Variants in CYREN observed in about 807,000 individuals in gnomAD.
CYREN encodes the protein cell cycle regulator of NHEJ, also known as cell cycle regulator of non-homologous end joining.
A neutral mutation model predicts 9.7 loss-of-function variants in CYREN; 7 were observed. The ratio of observed to expected loss-of-function variants is 0.72; its 90% CI spans 0.41 to 1.36. The LOEUF (loss-of-function observed/expected upper bound fraction) is 1.36, where lower values mean the gene tolerates loss of function less well. Among genes scored for constraint, CYREN ranks in the 40% most tolerant of loss-of-function variants. The probability of loss-of-function intolerance (pLI) is 0.01; values close to 1 mark genes in which losing one functional copy is unlikely to be tolerated. For synonymous variants in CYREN, 76 were observed against 77.9 expected, an observed-to-expected ratio of 0.98 and a Z score of 0.13; for missense variants, 215 against 198.1, an observed-to-expected ratio of 1.09 and a Z score of -0.51.
At chr7:135,105,894 T>C (rs1221045597) in intron 2 of CYREN, among the ~76,000 whole-genome samples, 1 of 152,228 alleles carries the variant, frequency 6.6e-6, no homozygotes, top group Non-Finnish European at 1.5e-5. Flanking sequence ...CATTTGTTTA[T>C]GTCACTTCTG....
chr7:135,100,505 T>G (rs1823669736), intron 2 of CYREN, among the ~76,000 whole-genome samples: 1 of 152,178 alleles, frequency 6.6e-6, no homozygotes, highest in Non-Finnish European at 1.5e-5. Flanking sequence ...CCAACTAGAT[T>G]TGTACAACAG....
chr7:135,128,137 C>T (rs562843305), intron 2 of CYREN, among the ~76,000 whole-genome samples: 1 of 151,338 alleles, frequency 6.6e-6, no homozygotes, highest in East Asian at 1.9e-4. Context: ...ACTAAAAATA[C>T]AAAAATTAGC....
chr7:135,096,217 C>G (rs1822664617), intron 2 of CYREN, among the ~76,000 whole-genome samples: 1 of 151,904 alleles, frequency 6.6e-6, no homozygotes, highest in African/African-American at 2.4e-5. Context: ...TGAGATAGCA[C>G]TAACTTAATT....
At chr7:135,167,267 A>G (rs1830230500) in intron 3 of CYREN, 11 of 1,072,716 alleles carry the variant, frequency 1.0e-5, no homozygotes, top group African/African-American at 3.3e-5. Context: ...GACATAACGC[A>G]TGCTTTCAAG....
rs112295929 is a variant in CYREN, at chr7:135,160,640, C to T, written n.356+8109G>A. On this transcript the variant is annotated intron_variant and non_coding_transcript_variant, in intron 2 of 2. Transcript: ENST00000459937. The stretch of plus-strand genomic sequence containing the variant: ...GCATGCATACGACATTAAACACAAC[C>T]CTCCCTCAGGCAGCTCTGCTGTCCT... Among the ~76,000 whole-genome samples the T allele has an allele frequency of 9.1e-3, 1,379 of 152,168 alleles. 19 individuals carry two copies. Among genetic ancestry groups the T allele is most frequent in the African/African-American group, 0.031 (1,302 of 41,490 alleles).
chr7:135,124,420 G>C (rs1298944039), intron 2 of CYREN, among the ~76,000 whole-genome samples: 1 of 152,164 alleles, frequency 6.6e-6, no homozygotes, highest in Non-Finnish European at 1.5e-5. Context: ...GACCCAAAAA[G>C]AGACAGACTC....
At chr7:135,128,935 G>T in intron 2 of CYREN, 1 of 1,557,764 alleles carries the variant, frequency 6.4e-7, no homozygotes, top group Non-Finnish European at 8.9e-7. Flanking sequence ...TGCAATATCT[G>T]TTTCTGTAAG....
rs905100202 is a variant in CYREN at position 135,151,198 on chromosome 7, A to T, written n.356+17551T>A. 3.9e-5 allele frequency among the ~76,000 whole-genome samples: 6 copies of T among 152,204 alleles called. No homozygotes were observed. The highest frequency in any genetic ancestry group is 5.9e-5 in the Non-Finnish European group (4 of 68,040). On this transcript the variant is annotated intron_variant and non_coding_transcript_variant, in intron 2 of 2. Transcript: ENST00000459937. The surrounding 1 kb of genome is among the most constrained non-coding windows in gnomAD (Gnocchi z 4.3). ...ATTCATTAAAAACTTGGTGGTTGGG[A>T]TGGCTGTCCACAGAAAACACTGGTG...
rs137918582 is a variant in CYREN, at chr7:135,145,141, C to T, written n.356+23608G>A. Among the ~76,000 whole-genome samples the T allele has an allele frequency of 3.0e-3, 451 of 152,058 alleles. 3 individuals are homozygous for T. The highest frequency in any genetic ancestry group is 0.01 in the African/African-American group (427 of 41,490). On this transcript the variant is annotated intron_variant and non_coding_transcript_variant, in intron 2 of 2. Coordinates refer to the CYREN transcript ENST00000459937. ...AGCCAGGAAGCAGAACAAATTTAAA[C>T]TTCTCAACAAAACAAGAAAGCCAGA...
chr7:135,115,802 GGCCTTATTTAATTGATTATTT>G, intron 2 of CYREN: 1 of 522,006 alleles, frequency 1.9e-6, no homozygotes, highest in Non-Finnish European at 3.4e-6. Context: ...TAAGTTATCA[GGCCTTATTTAATTGATTATTT>G]GCATGAAACT....
intron 2 of CYREN, chr7:135,152,889 A>G (rs912363082): frequency 6.6e-6 from 1 of 152,256 alleles, no homozygotes; most frequent in African/African-American, 2.4e-5. Context: ...CCATGATAGC[A>G]ACTGCTGCTG....
intron 2 of CYREN, among the ~76,000 whole-genome samples, chr7:135,152,266 ACCAGTAT>A (rs890864941): frequency 2.6e-5 from 4 of 152,372 alleles, no homozygotes; most frequent in African/African-American, 9.6e-5. Flanking sequence ...CATGCTCAGA[ACCAGTAT>A]TCCACACTGT....
At chr7:135,102,297 C>T (rs1454224755) in intron 2 of CYREN, among the ~76,000 whole-genome samples, 1 of 152,142 alleles carries the variant, frequency 6.6e-6, no homozygotes, top group Non-Finnish European at 1.5e-5. Flanking sequence ...GGAAATTATA[C>T]TTATATTTTC....
At chr7:135,109,780 G>T (rs1825345462) in intron 2 of CYREN, among the ~76,000 whole-genome samples, 1 of 152,182 alleles carries the variant, frequency 6.6e-6, no homozygotes, top group Non-Finnish European at 1.5e-5. Flanking sequence ...GCTGTGCTGC[G>T]CCAGGGGACC....
chr7:135,123,235 C>G (rs906253386), intron 2 of CYREN, among the ~76,000 whole-genome samples: 9 of 152,078 alleles, frequency 5.9e-5, no homozygotes, highest in African/African-American at 2.2e-4. Context: ...AGCACAAGAA[C>G]CTTGTGAAGC....
At chr7:135,115,308 T>C in intron 2 of CYREN, 1 of 1,011,734 alleles carries the variant, frequency 9.9e-7, no homozygotes, top group African/African-American at 1.6e-5. Flanking sequence ...ATCCTTGGCA[T>C]ATAATAATGC....
At position 135,099,566 on chromosome 7, in the gene CYREN, A is replaced by T. The variant is rs185532962; in HGVS notation, n.357-4984T>A. Among the ~76,000 whole-genome samples, 344 of 152,270 alleles carry T rather than the reference A, an allele frequency of 2.3e-3. 1 individual carries two copies. The highest frequency in any genetic ancestry group is 7.6e-3 in the African/African-American group (315 of 41,556). On this transcript the variant is annotated intron_variant and non_coding_transcript_variant, in intron 2 of 2. Coordinates refer to the CYREN transcript ENST00000459937. ...GAGCCCCTTCTTGGCTTCTAAAAAA[A>T]TATTTGAGGTAGGAGAACTGTACTT... is the stretch of plus-strand genomic sequence containing the variant.
intron 2 of CYREN, among the ~76,000 whole-genome samples, chr7:135,116,772 T>C (rs966041079): frequency 6.6e-5 from 10 of 152,178 alleles, no homozygotes; most frequent in East Asian, 5.8e-4. Context: ...GGGCACTGTT[T>C]ATCTGTGGTG....
chr7:135,098,473 C>G (rs1823260398), intron 2 of CYREN, among the ~76,000 whole-genome samples: 1 of 152,092 alleles, frequency 6.6e-6, no homozygotes, highest in Non-Finnish European at 1.5e-5. Context: ...GCATTTTTTT[C>G]CTAAATATTT....
Sources: allele counts gnomAD v4.1 joint callset (sites outside exome capture counted in the v4.1 genomes callset), GRCh38; gene constraint gnomAD v4.1.1; non-coding constraint Gnocchi (gnomAD v3.1); transcripts MANE v1.5; gene names NCBI Gene and HGNC (gene_info 2026-07-23, HGNC 2026-07-21).